Variants in NCOA7 observed in about 807,000 individuals in gnomAD.
NCOA7 encodes 140 kDa estrogen receptor-associated protein.
A neutral mutation model predicts 104.3 loss-of-function variants in NCOA7; 45 were observed. The observed-to-expected ratio is 0.43, with a 90% CI of 0.34 to 0.55. The LOEUF is 0.55. Ranked by LOEUF, NCOA7 falls within the 20% of genes least tolerant of loss-of-function variation. NCOA7 has a pLI of 0.02. For missense variants in NCOA7, 1,041 were observed against 1,119.7 expected, an observed-to-expected ratio of 0.93 and a Z score of 1.00; for synonymous variants, 398 against 402.3, an observed-to-expected ratio of 0.99 and a Z score of 0.13.
exon 1 of NCOA7, chr6:125,781,237 G>A (rs1774214606): frequency 6.6e-6 from 1 of 152,240 alleles, no homozygotes; most frequent in Non-Finnish European, 1.5e-5. Flanking sequence ...TATAGTTGAA[G>A]AAATCTGACC....
chr6:125,870,894 T>G (rs1441051400), intron 3 of NCOA7, among the ~76,000 whole-genome samples: 2 of 152,162 alleles, frequency 1.3e-5, no homozygotes. Context: ...TCCTCCCCAT[T>G]CCAGCTCTTA....
At chr6:125,840,982 A>T (rs184020639) in intron 2 of NCOA7, among the ~76,000 whole-genome samples, 1 of 131,058 alleles carries the variant, frequency 7.6e-6, no homozygotes, top group Admixed American at 8.8e-5. Context: ...AACCTCTGCC[A>T]CCCAGGTTCA....
rs1788378801 is a variant in NCOA7 at position 125,930,167 on chromosome 6, G to A, written c.*1396G>A. The A allele has an allele frequency of 6.6e-6, 1 of 152,164 alleles. No individual in the cohort carries two copies. Among genetic ancestry groups the A allele is most frequent in the Non-Finnish European group, 1.5e-5 (1 of 68,058 alleles). The allele number at this position is 152,164 out of a possible 1,614,324, so 9.4% of individuals were successfully genotyped here. A position where few individuals can be genotyped will look rare whatever the true frequency, so the allele number is the denominator to read the frequency against. ...AAGGTCACAAGTTTGAGACCAGTCT[G>A]GCCAACATGGTGAAACCCCATCTCT... On this transcript the variant is annotated 3_prime_UTR_variant, in exon 16 of 16. Transcript: ENST00000392477.
chr6:125,882,318 C>T, intron 6 of NCOA7, 108 bp from the exon 7 acceptor site: 3 of 1,134,124 alleles, frequency 2.6e-6, no homozygotes, highest in South Asian at 2.9e-5. Context: ...TAATGTTCCA[C>T]TTAAATAGAA....
intron 7 of NCOA7, among the ~76,000 whole-genome samples, chr6:125,884,617 A>G (rs111527707): frequency 5.9e-5 from 9 of 152,272 alleles, no homozygotes; most frequent in Middle Eastern, 3.4e-3. Flanking sequence ...CAAAAGTTTC[A>G]TGTTCCTATT....
At chr6:125,890,939 T>C in intron 10 of NCOA7, 129 bp downstream of exon 10, 1 of 940,676 alleles carries the variant, frequency 1.1e-6, no homozygotes, top group Non-Finnish European at 1.5e-6. Flanking sequence ...ATTTTAGAAT[T>C]CTAGAAGGAT....
chr6:125,862,982 G>A (rs764316158), intron 3 of NCOA7, among the ~76,000 whole-genome samples: 1 of 138,960 alleles, frequency 7.2e-6, no homozygotes, highest in African/African-American at 3.0e-5. Context: ...GTGACAGAGT[G>A]AGACTTCGTC....
chr6:125,814,613 T>C (rs1777407657), intron 1 of NCOA7, among the ~76,000 whole-genome samples: 1 of 152,032 alleles, frequency 6.6e-6, no homozygotes, highest in Non-Finnish European at 1.5e-5. Context: ...ATGATAAAAG[T>C]GGTATTTGAG....
chr6:125,808,985 A>G (rs965374045), intron 1 of NCOA7, among the ~76,000 whole-genome samples: 10 of 152,222 alleles, frequency 6.6e-5, no homozygotes, highest in Admixed American at 2.0e-4. Context: ...TGAGTTCTCC[A>G]TTCATTTTGC....
upstream of NCOA7, among the ~76,000 whole-genome samples, chr6:125,787,753 C>A (rs893205119): frequency 3.4e-4 from 52 of 152,294 alleles, no homozygotes; most frequent in African/African-American, 1.2e-3. Context: ...ACTTCCGCAG[C>A]CAAGAACAGT....
At chr6:125,783,111 C>T (rs920603794) in intron 1 of NCOA7, among the ~76,000 whole-genome samples, 1 of 152,212 alleles carries the variant, frequency 6.6e-6, no homozygotes, top group East Asian at 1.9e-4. Flanking sequence ...GCTCTGCCAA[C>T]ATCTTGACTT....
intron 10 of NCOA7, among the ~76,000 whole-genome samples, chr6:125,914,611 C>A (rs757934752): frequency 1.9e-4 from 29 of 152,162 alleles, no homozygotes; most frequent in Non-Finnish European, 3.2e-4. Context: ...TGATTATATT[C>A]ATTGCCCTTT....
rs539133456 is a variant in NCOA7 at position 125,896,650 on chromosome 6, G to C, written c.2096+5840G>C. On this transcript the variant is annotated intron_variant, in intron 10 of 15. Coordinates refer to ENST00000392477, the MANE Select transcript of NCOA7 (RefSeq NM_181782.5). Reference sequence around the variant, plus strand: ...CTACAAAAAAATACAAAAATTAGCTGGATGGTGGCACACACCTGTAGTTCC... The same window carrying C: ...CTACAAAAAAATACAAAAATTAGCTCGATGGTGGCACACACCTGTAGTTCC... Among the ~76,000 whole-genome samples the C allele has an allele frequency of 3.3e-5, 5 of 152,226 alleles. No homozygotes were observed. The East Asian group carries it at 9.6e-4, about 29-fold the overall frequency.
chr6:125,832,103 C>G (rs558546458), intron 2 of NCOA7, among the ~76,000 whole-genome samples: 7 of 152,222 alleles, frequency 4.6e-5, no homozygotes, highest in Non-Finnish European at 8.8e-5. Context: ...CTGCTCTATA[C>G]TTCTTCCGTA....
intron 2 of NCOA7, chr6:125,818,941 G>T (rs1181787447): frequency 6.6e-6 from 1 of 152,226 alleles, no homozygotes; most frequent in East Asian, 1.9e-4. Flanking sequence ...TGCAATCTCA[G>T]TTTTCTCTAA....
intron 1 of NCOA7, among the ~76,000 whole-genome samples, chr6:125,795,354 A>G (rs894517885): frequency 2.0e-5 from 3 of 152,178 alleles, no homozygotes; most frequent in African/African-American, 7.2e-5. Flanking sequence ...TTTTTAGAAT[A>G]GGTAGTATCC....
At chr6:125,919,364 G>A (rs1787365883) in intron 11 of NCOA7, 8 of 1,612,808 alleles carry the variant, frequency 5.0e-6, no homozygotes, top group Non-Finnish European at 6.8e-6. Flanking sequence ...ACAATGAGAG[G>A]CCAAAGATTA....
At chr6:125,924,442 A>G (rs149610501) in intron 13 of NCOA7, among the ~76,000 whole-genome samples, 42 of 152,342 alleles carry the variant, frequency 2.8e-4, no homozygotes, top group African/African-American at 1.0e-3. Flanking sequence ...TCTGCACCCC[A>G]TCTACCCCGA....
chr6:125,908,937 T>G (rs1786276264), intron 10 of NCOA7, among the ~76,000 whole-genome samples: 1 of 152,266 alleles, frequency 6.6e-6, no homozygotes, highest in African/African-American at 2.4e-5. Context: ...CTGTGATTGA[T>G]TCTTCATTCC....
Sources: gnomAD v4.1 joint callset for allele counts (sites outside exome capture counted in the v4.1 genomes callset) on GRCh38, gnomAD v4.1.1 for gene constraint, MANE v1.5 for transcripts, NCBI Gene and HGNC (gene_info 2026-07-23, HGNC 2026-07-21) for gene names.